CAPZB: variants seen among roughly 807,000 people sequenced by gnomAD.
The protein encoded by CAPZB is capping actin protein of muscle Z-line subunit beta, also known as F-actin-capping protein subunit beta.
CAPZB carries 2 observed loss-of-function variants against 38.1 expected under a neutral mutation model. That is an observed-to-expected ratio of 0.05 (90% CI 0.02 to 0.17). CAPZB has a LOEUF of 0.17. Ranked by LOEUF, CAPZB falls within the 10% of genes least tolerant of loss-of-function variation. The pLI, the probability that CAPZB is intolerant of heterozygous loss-of-function variation, is 1.00. For missense variants in CAPZB, 161 were observed against 334.2 expected, an observed-to-expected ratio of 0.48 and a Z score of 4.04; for synonymous variants, 107 against 127.4, an observed-to-expected ratio of 0.84 and a Z score of 1.08.
chr1:19,400,144 C>A (rs1229339249), intron 2 of CAPZB, among the ~76,000 whole-genome samples: 1 of 152,110 alleles, frequency 6.6e-6, no homozygotes, highest in Admixed American at 6.5e-5. Flanking sequence ...TCCGAGCCCA[C>A]CCCTTGCCTG....
chr1:19,468,512 G>A (rs942273673), intron 1 of CAPZB, among the ~76,000 whole-genome samples: 4 of 152,134 alleles, frequency 2.6e-5, no homozygotes, highest in African/African-American at 4.8e-5. Context: ...GGGTGGAGTC[G>A]TGAAAAGGAA....
At chr1:19,432,807 C>T (rs2094446747) in intron 1 of CAPZB, among the ~76,000 whole-genome samples, 2 of 152,352 alleles carry the variant, frequency 1.3e-5, no homozygotes, top group Middle Eastern at 3.4e-3. Flanking sequence ...TTAAACACTC[C>T]CAATGAAATA....
chr1:19,346,583 A>T (rs1425276388), intron 6 of CAPZB, among the ~76,000 whole-genome samples: 1 of 151,650 alleles, frequency 6.6e-6, no homozygotes, highest in Non-Finnish European at 1.5e-5. Flanking sequence ...CTGGGGGGAG[A>T]TACTGTCTCA....
intron 1 of CAPZB, among the ~76,000 whole-genome samples, chr1:19,452,906 C>T (rs768094782): frequency 6.6e-6 from 1 of 150,768 alleles, no homozygotes; most frequent in African/African-American, 2.4e-5. Flanking sequence ...TGAGTTCAAG[C>T]GATTCACCTG....
chr1:19,459,214 A>G (rs2094542729), intron 1 of CAPZB, among the ~76,000 whole-genome samples: 1 of 152,248 alleles, frequency 6.6e-6, no homozygotes, highest in Non-Finnish European at 1.5e-5. Flanking sequence ...AAGGATGGAA[A>G]GAACACACTG....
intron 2 of CAPZB, among the ~76,000 whole-genome samples, chr1:19,389,528 T>A (rs895777249): frequency 2.6e-5 from 4 of 151,860 alleles, no homozygotes; most frequent in Non-Finnish European, 5.9e-5. Context: ...CCCAGGTTCA[T>A]GCCATTCTCC....
chr1:19,419,528 A>G (rs1049249456), intron 2 of CAPZB, 133 bp downstream of exon 2: 17 of 620,054 alleles, frequency 2.7e-5, no homozygotes, highest in Non-Finnish European at 2.0e-5. Flanking sequence ...GAGGAATCTC[A>G]TAGTCCAGTG....
At chr1:19,376,838 T>C (rs2094147010) in intron 4 of CAPZB, among the ~76,000 whole-genome samples, 1 of 152,204 alleles carries the variant, frequency 6.6e-6, no homozygotes, top group Non-Finnish European at 1.5e-5. Flanking sequence ...TAAATCGATG[T>C]TGGACTCTGG....
intron 1 of CAPZB, among the ~76,000 whole-genome samples, chr1:19,476,223 G>C (rs957737013): frequency 6.9e-5 from 1 of 14,400 alleles, no homozygotes; most frequent in African/African-American, 8.4e-5. Context: ...TAGATAGATA[G>C]ATAGGCAGGC....
intron 4 of CAPZB, among the ~76,000 whole-genome samples, chr1:19,375,283 GGA>G (rs1040854341): frequency 4.6e-5 from 7 of 152,244 alleles, no homozygotes; most frequent in African/African-American, 9.6e-5. Context: ...TGTGGTCCCA[GGA>G]GAGAGAGCTC....
intron 4 of CAPZB, among the ~76,000 whole-genome samples, chr1:19,375,707 C>T (rs529744749): frequency 6.6e-6 from 1 of 152,300 alleles, no homozygotes; most frequent in South Asian, 2.1e-4. Flanking sequence ...ACACATTTCC[C>T]AGGGAAGGGA....
intron 8 of CAPZB, chr1:19,342,976 G>C (rs1440078651): frequency 1.2e-5 from 9 of 727,954 alleles, no homozygotes; most frequent in African/African-American, 5.2e-5. Context: ...CGAGGCGGAA[G>C]GGGGGATGCC....
intron 2 of CAPZB, among the ~76,000 whole-genome samples, chr1:19,397,917 G>C (rs1173026227): frequency 6.6e-6 from 1 of 152,150 alleles, no homozygotes; most frequent in African/African-American, 2.4e-5. Flanking sequence ...CACTGATCTG[G>C]GGGGCTCATG....
At chr1:19,448,203 C>T (rs2094502872) in intron 1 of CAPZB, among the ~76,000 whole-genome samples, 1 of 152,244 alleles carries the variant, frequency 6.6e-6, no homozygotes, top group African/African-American at 2.4e-5. Context: ...TGCGCCGCTG[C>T]GCACATCCCA....
At position 19,450,141 on chromosome 1, in the gene CAPZB, C is replaced by G. The variant is rs1216458356; in HGVS notation, c.4-30391G>C. Among the ~76,000 whole-genome samples the G allele has an allele frequency of 1.5e-4, 7 of 46,670 alleles. No individual in the cohort carries two copies. In the Admixed American group the frequency reaches 2.2e-3, roughly 15 times the overall value. The allele number at this position is 46,670 out of a possible 152,430, so 30.6% of individuals were successfully genotyped here. A position where few individuals can be genotyped will look rare whatever the true frequency, so the allele number is the denominator to read the frequency against. ...CCTGGGCAACAGAGCAAGACCCTGT[C>G]TCCAAAAAAAAAAAAAAAAAAAAAA... On this transcript the variant is annotated intron_variant, in intron 1 of 8. Coordinates refer to ENST00000264202, the MANE Select transcript of CAPZB (RefSeq NM_004930.5).
intron 1 of CAPZB, among the ~76,000 whole-genome samples, chr1:19,443,205 T>A (rs1241463795): frequency 6.7e-6 from 1 of 149,812 alleles, no homozygotes; most frequent in Non-Finnish European, 1.5e-5. Context: ...CTGGGCAACA[T>A]ACTGAGATCC....
At chr1:19,417,234 A>C (rs901812226) in intron 2 of CAPZB, among the ~76,000 whole-genome samples, 1 of 152,212 alleles carries the variant, frequency 6.6e-6, no homozygotes, top group Non-Finnish European at 1.5e-5. Context: ...CAGTTGCCAT[A>C]AGAACAAAAT....
chr1:19,453,259 A>AT (rs1038548557), intron 1 of CAPZB, among the ~76,000 whole-genome samples: 1 of 151,288 alleles, frequency 6.6e-6, no homozygotes, highest in Non-Finnish European at 1.5e-5. Context: ...CTTTTATTCT[A>AT]TTTTTTTGTT....
chr1:19,392,061 TAA>T (rs1271505907), intron 2 of CAPZB, among the ~76,000 whole-genome samples: 1 of 152,076 alleles, frequency 6.6e-6, no homozygotes. Context: ...TGCATGCCTA[TAA>T]TCCCAGCTAC....
Sources: gnomAD v4.1 joint callset for allele counts (sites outside exome capture counted in the v4.1 genomes callset) on GRCh38, gnomAD v4.1.1 for gene constraint, MANE v1.5 for transcripts, NCBI Gene and HGNC (gene_info 2026-07-23, HGNC 2026-07-21) for gene names.